BBS7: variants seen among roughly 807,000 people sequenced by gnomAD.
BBS7 encodes BBSome complex member BBS7.
A neutral mutation model predicts 90.3 loss-of-function variants in BBS7; 50 were observed. The observed-to-expected ratio is 0.55, with a 90% CI of 0.44 to 0.70. The LOEUF is 0.70. Among genes scored for constraint, BBS7 ranks in the 30% least tolerant of loss-of-function variants. BBS7 has a pLI of 0.00. For missense variants in BBS7, 729 were observed against 838.9 expected, an observed-to-expected ratio of 0.87 and a Z score of 1.62; for synonymous variants, 235 against 287.4, an observed-to-expected ratio of 0.82 and a Z score of 1.85.
intron 2 of BBS7, among the ~76,000 whole-genome samples, chr4:121,863,960 C>A (rs1727124446): frequency 6.6e-6 from 1 of 152,188 alleles, no homozygotes; most frequent in Non-Finnish European, 1.5e-5. Flanking sequence ...CCAGGCCACA[C>A]AGCAGGAGGT....
intron 10 of BBS7, 152 bp from the exon 11 acceptor site, chr4:121,845,848 T>G: frequency 1.5e-6 from 1 of 654,326 alleles, no homozygotes; most frequent in Non-Finnish European, 2.6e-6. Flanking sequence ...AAATTTTTGC[T>G]TCTATGACTG....
chr4:121,839,297 T>G (rs1317763368), intron 13 of BBS7, among the ~76,000 whole-genome samples: 1 of 152,204 alleles, frequency 6.6e-6, no homozygotes, highest in Non-Finnish European at 1.5e-5. Context: ...CCGGGCATGG[T>G]GGCTCACCCC....
chr4:121,847,587 T>C, intron 9 of BBS7, 81 bp from the exon 10 acceptor site: 1 of 980,910 alleles, frequency 1.0e-6, no homozygotes, highest in East Asian at 2.4e-5. Flanking sequence ...TAGCAGAAAC[T>C]CCAATGTACA....
chr4:121,853,115 TAAG>T (rs1560658316), intron 7 of BBS7, 29 bp from the exon 8 acceptor site: 2 of 1,602,430 alleles, frequency 1.2e-6, no homozygotes, highest in East Asian at 4.5e-5. Context: ...GATAAGTTAT[TAAG>T]AAGACTAATA....
In BBS7 at chr4:121,855,382, C is replaced by T. The variant is rs2149080041; in HGVS notation, c.601+107G>A. 2.8e-6 allele frequency: 3 copies of T among 1,077,862 alleles called. No individual in the cohort carries two copies. In the East Asian group the frequency reaches 7.3e-5, roughly 26 times the overall value. The allele number at this position is 1,077,862 out of a possible 1,614,324, so 66.8% of individuals were successfully genotyped here. A position where few individuals can be genotyped will look rare whatever the true frequency, so the allele number is the denominator to read the frequency against. Reference sequence around the variant, plus strand: ...GTGCTGTTAGTTACTGGCAAGTTACCAGAAAGACAACTGTCTCAATTCTAG... The same window carrying T: ...GTGCTGTTAGTTACTGGCAAGTTACTAGAAAGACAACTGTCTCAATTCTAG... On this transcript the variant is annotated intron_variant, in intron 6 of 18. Transcript: ENST00000264499.
chr4:121,835,759 C>T (rs947888032), intron 13 of BBS7, among the ~76,000 whole-genome samples: 1 of 151,452 alleles, frequency 6.6e-6, no homozygotes, highest in African/African-American at 2.4e-5. Flanking sequence ...GATTTTTTTC[C>T]ATAAGAAAAA....
chr4:121,851,588 A>C (rs1726324873), intron 8 of BBS7, among the ~76,000 whole-genome samples: 3 of 152,220 alleles, frequency 2.0e-5, no homozygotes, highest in Non-Finnish European at 4.4e-5. Context: ...TTACAAAAAA[A>C]AGAACTTGGT....
chr4:121,851,059 A>C (rs967657756), intron 8 of BBS7, among the ~76,000 whole-genome samples: 22 of 152,148 alleles, frequency 1.4e-4, no homozygotes, highest in African/African-American at 4.8e-4. Context: ...CCTTTAATTT[A>C]CTGAACACAA....
chr4:121,827,675 C>A, intron 18 of BBS7: 1 of 616,134 alleles, frequency 1.6e-6, no homozygotes, highest in Non-Finnish European at 2.0e-6. Context: ...ATTTGTGAAA[C>A]ATTCAGCTTC....
intron 8 of BBS7, among the ~76,000 whole-genome samples, chr4:121,851,049 CCTTTAATTTA>C (rs772156883): frequency 9.2e-5 from 14 of 152,190 alleles, no homozygotes; most frequent in Non-Finnish European, 1.8e-4. Flanking sequence ...ATTAGATCTT[CCTTTAATTTA>C]CTGAACACAA....
chr4:121,846,864 C>T (rs999753199), intron 10 of BBS7, among the ~76,000 whole-genome samples: 2 of 152,324 alleles, frequency 1.3e-5, no homozygotes, highest in East Asian at 1.9e-4. Context: ...GCAACTCCCA[C>T]GTCTTCGTTG....
intron 8 of BBS7, among the ~76,000 whole-genome samples, chr4:121,849,582 AC>A: frequency 7.2e-6 from 1 of 138,828 alleles, no homozygotes; most frequent in Non-Finnish European, 1.6e-5. Context: ...TAATCCCAGC[AC>A]TTTGGGAAGC....
rs119466001 is a variant in BBS7 at position 121,847,473 on chromosome 4, T to C, written c.968A>G (p.His323Arg). Residue 323 changes from histidine (H) to arginine (R), a missense_variant, in exon 10 of 19, where the codon CAT (histidine) becomes CGT (arginine). Transcript: ENST00000264499. ...TTCTTCTCCTGGTCCACTTTCCTTA[T>C]GAATGGGCTCTGTTGTCAGACCTGT... is the stretch of plus-strand genomic sequence containing the variant. ...WVTGLTTEPI[H>R]KESGPGEELK... The C allele has an allele frequency of 5.8e-5, 94 of 1,613,656 alleles. No homozygotes were observed. Among genetic ancestry groups the C allele is most frequent in the Non-Finnish European group, 7.6e-5 (90 of 1,179,764 alleles).
intron 12 of BBS7, among the ~76,000 whole-genome samples, chr4:121,842,353 G>C (rs1301389011): frequency 6.6e-6 from 1 of 150,824 alleles, no homozygotes; most frequent in Non-Finnish European, 1.5e-5. Context: ...ATATATATAA[G>C]GCCAGACGTG....
intron 10 of BBS7, among the ~76,000 whole-genome samples, chr4:121,846,001 T>A (rs1004102731): frequency 1.3e-5 from 2 of 152,168 alleles, no homozygotes; most frequent in Non-Finnish European, 2.9e-5. Context: ...TACAGTTACA[T>A]AAAGTACTAA....
chr4:121,839,302 C>T (rs1029947173), intron 13 of BBS7, among the ~76,000 whole-genome samples: 1 of 152,096 alleles, frequency 6.6e-6, no homozygotes, highest in African/African-American at 2.4e-5. Context: ...CATGGTGGCT[C>T]ACCCCTGTAA....
intron 1 of BBS7, 24 bp downstream of exon 1, chr4:121,870,254 G>A: frequency 6.2e-7 from 1 of 1,614,064 alleles, no homozygotes; most frequent in South Asian, 1.1e-5. Context: ...CCAGCGCGGC[G>A]CCCGCCCTAT....
intron 3 of BBS7, 93 bp downstream of exon 3, chr4:121,863,123 CT>C: frequency 8.2e-7 from 1 of 1,215,484 alleles, no homozygotes; most frequent in East Asian, 2.3e-5. Context: ...TTTCCATTAC[CT>C]GTATTTTAGG....
chr4:121,868,684 CAAAAAAAAAAAAAAAAAAAAA>C (rs34910805), intron 1 of BBS7, among the ~76,000 whole-genome samples: 2 of 49,684 alleles, frequency 4.0e-5, no homozygotes, highest in African/African-American at 9.0e-5. Context: ...GACCCTGTTT[CAAAAAAAAAAAAAAAAAAAAA>C]AAAAAAAAAA....
Sources: gnomAD v4.1 joint callset for allele counts (sites outside exome capture counted in the v4.1 genomes callset) on GRCh38, gnomAD v4.1.1 for gene constraint, MANE v1.5 for transcripts, NCBI Gene and HGNC (gene_info 2026-07-23, HGNC 2026-07-21) for gene names.